CACNA1C: variants seen among roughly 807,000 people sequenced by gnomAD.
The protein encoded by CACNA1C is calcium voltage-gated channel subunit alpha1 C.
In CACNA1C, 30 loss-of-function variants were observed where a neutral mutation model predicts 229.0. The observed-to-expected ratio is 0.13, with a 90% CI of 0.10 to 0.18. The LOEUF is 0.18. Among genes scored for constraint, CACNA1C ranks in the 10% least tolerant of loss-of-function variants. CACNA1C has a pLI of 1.00. For synonymous variants in CACNA1C, 1,114 were observed against 1,132.5 expected (o/e 0.98, Z 0.33); for missense variants, 1,658 against 2,845.0 (o/e 0.58, Z 9.49).
At chr12:2,177,620 CCTTCCT>C (rs1566165089) in intron 3 of CACNA1C, among the ~76,000 whole-genome samples, 66 of 113,698 alleles carry the variant, frequency 5.8e-4, no homozygotes, top group South Asian at 5.5e-3. Flanking sequence ...TTCCTTCCTT[CCTTCCT>C]TCTCTCTCTC....
At chr12:2,147,882 A>T (rs2094869496) in intron 3 of CACNA1C, among the ~76,000 whole-genome samples, 1 of 151,172 alleles carries the variant, frequency 6.6e-6, no homozygotes, top group Non-Finnish European at 1.5e-5. Flanking sequence ...TCCTAGGATT[A>T]CCATTGTCAG....
intron 30 of CACNA1C, among the ~76,000 whole-genome samples, chr12:2,638,419 AGGGTAGCAG>A (rs917388135): frequency 4.6e-5 from 7 of 152,068 alleles, no homozygotes; most frequent in African/African-American, 1.4e-4. Flanking sequence ...AGGAGAGGTG[AGGGTAGCAG>A]AGGGGTAACT....
intron 3 of CACNA1C, among the ~76,000 whole-genome samples, chr12:2,361,681 C>G (rs370305199): frequency 6.6e-6 from 1 of 152,214 alleles, no homozygotes; most frequent in South Asian, 2.1e-4. Context: ...TGTCTCCCTT[C>G]AGACATCTTT....
At chr12:2,141,156 T>G (rs560125455) in intron 3 of CACNA1C, among the ~76,000 whole-genome samples, 1 of 150,086 alleles carries the variant, frequency 6.7e-6, no homozygotes, top group South Asian at 2.1e-4. Flanking sequence ...TGAAGGAGGA[T>G]GTGAGTGGGG....
intron 3 of CACNA1C, among the ~76,000 whole-genome samples, chr12:2,177,850 A>T (rs573369345): frequency 2.0e-5 from 3 of 151,918 alleles, no homozygotes; most frequent in Non-Finnish European, 4.4e-5. Context: ...TTGGCCAGGC[A>T]GGTCTTGAAC....
chr12:2,156,664 G>A (rs2095569602), intron 3 of CACNA1C, among the ~76,000 whole-genome samples: 1 of 152,240 alleles, frequency 6.6e-6, no homozygotes, highest in Non-Finnish European at 1.5e-5. Flanking sequence ...TGATGTGGGT[G>A]TCAACAAACA....
intron 1 of CACNA1C, among the ~76,000 whole-genome samples, chr12:1,985,162 T>C (rs1445647830): frequency 1.3e-5 from 2 of 152,174 alleles, no homozygotes; most frequent in Admixed American, 1.3e-4. Context: ...ATTTGTCTCC[T>C]TCATTAGACT....
intron 3 of CACNA1C, among the ~76,000 whole-genome samples, chr12:2,226,457 G>T (rs2063052810): frequency 1.3e-5 from 2 of 152,126 alleles, no homozygotes; most frequent in Admixed American, 1.3e-4. Flanking sequence ...TTTCTCTCTG[G>T]AAGATGGTCA....
intron 14 of CACNA1C, 43 bp from the exon 15 acceptor site, chr12:2,582,779 G>T: frequency 6.2e-7 from 1 of 1,606,464 alleles, no homozygotes. Flanking sequence ...GTTTGCTGTT[G>T]GTCTAACGCT....
chr12:2,331,165 A>AT (rs1248931388), intron 3 of CACNA1C, among the ~76,000 whole-genome samples: 1 of 152,186 alleles, frequency 6.6e-6, no homozygotes, highest in Non-Finnish European at 1.5e-5. Context: ...CAACCTCAGC[A>AT]ATAATTTAAA....
intron 3 of CACNA1C, among the ~76,000 whole-genome samples, chr12:2,439,558 A>G (rs2099195614): frequency 6.6e-6 from 1 of 152,086 alleles, no homozygotes; most frequent in African/African-American, 2.4e-5. Context: ...GGATCTGAGC[A>G]CCCACACCCA....
At chr12:2,016,493 G>A (rs535420642) in intron 1 of CACNA1C, among the ~76,000 whole-genome samples, 25 of 152,120 alleles carry the variant, frequency 1.6e-4, no homozygotes, top group African/African-American at 5.8e-4. Context: ...GCAATGGCAC[G>A]ATTTTGGCTC....
In CACNA1C at chr12:2,677,206, C is replaced by G. The variant is rs773832706; in HGVS notation, c.4941C>G (p.Asn1647Lys). The G allele has an allele frequency of 6.2e-7, 1 of 1,613,666 alleles. No individual in the cohort carries two copies. Among genetic ancestry groups the G allele is most frequent in the Non-Finnish European group, 8.5e-7 (1 of 1,179,804 alleles). ...QGLVGKPSQR[N>K]ALSLQAGLRT... ...TTGTGGGCAAGCCCTCCCAGAGGAACGCGCTGTCTCTGCAGGTGAGGGCCT... is the reference window on the plus strand; with the variant it reads ...TTGTGGGCAAGCCCTCCCAGAGGAAGGCGCTGTCTCTGCAGGTGAGGGCCT... Residue 1647 changes from asparagine to lysine, a missense_variant, in exon 40 of 47, where the codon AAC (asparagine) becomes AAG (lysine). Asn to Lys is a moderately conservative substitution (Grantham distance 94, BLOSUM62 0). Around this residue, in one of 20 missense-constraint regions of CACNA1C, gnomAD observed 590 missense variants for 700.8 expected, o/e 0.84. Coordinates refer to ENST00000399655, the MANE Select transcript of CACNA1C (RefSeq NM_000719.7). This position sits in a 1 kb window ranked among gnomAD's most constrained non-coding sequence, Gnocchi z 7.4.
At chr12:2,392,341 T>A (rs1416511664) in intron 3 of CACNA1C, among the ~76,000 whole-genome samples, 2 of 152,186 alleles carry the variant, frequency 1.3e-5, no homozygotes, top group Non-Finnish European at 2.9e-5. Flanking sequence ...CATTTTTCTA[T>A]TTTTTTGAAA....
intron 10 of CACNA1C, among the ~76,000 whole-genome samples, chr12:2,556,503 C>T (rs562270951): frequency 7.2e-5 from 11 of 152,194 alleles, no homozygotes; most frequent in African/African-American, 4.8e-5. Context: ...TTTTGCTGGT[C>T]TTCCCTTCAT....
chr12:1,996,281 A>C (rs2040767359), intron 1 of CACNA1C, among the ~76,000 whole-genome samples: 1 of 152,152 alleles, frequency 6.6e-6, no homozygotes, highest in South Asian at 2.1e-4. Context: ...CTGCTAAGAA[A>C]ATAATCTCAA....
Position 2,492,813 on chromosome 12 carries a change from G to A in CACNA1C, c.917-377G>A, listed in dbSNP as rs143984459. 1.1e-4 allele frequency among the ~76,000 whole-genome samples: 16 copies of A among 152,240 alleles called. No homozygotes were observed. In the East Asian group the frequency reaches 2.3e-3, roughly 22 times the overall value. ...AAAAAGAAAATATGGACTTCTAATCGCTTTCTGGGTCAGTTTCCACTTGCA... is the reference window on the plus strand; with the variant it reads ...AAAAAGAAAATATGGACTTCTAATCACTTTCTGGGTCAGTTTCCACTTGCA... On this transcript the variant is annotated intron_variant, in intron 6 of 46. Transcript: ENST00000399655.
chr12:2,129,455 A>G (rs577448444), intron 3 of CACNA1C, among the ~76,000 whole-genome samples: 10 of 152,290 alleles, frequency 6.6e-5, no homozygotes, highest in African/African-American at 2.4e-4. Flanking sequence ...AAATATGGTG[A>G]CACCTCTTGC....
chr12:2,313,951 G>A (rs968413617), intron 3 of CACNA1C, among the ~76,000 whole-genome samples: 4 of 152,180 alleles, frequency 2.6e-5, no homozygotes, highest in Non-Finnish European at 5.9e-5. Context: ...CCATGGCCAG[G>A]GAGGCTCAGG....
Sources: allele counts gnomAD v4.1 joint callset (sites outside exome capture counted in the v4.1 genomes callset), GRCh38; gene constraint gnomAD v4.1.1; regional missense constraint gnomAD v4.1.1; non-coding constraint Gnocchi (gnomAD v3.1); transcripts MANE v1.5; gene names NCBI Gene and HGNC (gene_info 2026-07-23, HGNC 2026-07-21).